MFHAS1: variants seen among roughly 807,000 people sequenced by gnomAD.
The protein encoded by MFHAS1 is malignant fibrous histiocytoma-amplified sequence 1.
MFHAS1 carries 50 observed loss-of-function variants against 70.4 expected under a neutral mutation model. The ratio of observed to expected loss-of-function variants is 0.71; its 90% confidence interval spans 0.57 to 0.90. MFHAS1 has a LOEUF of 0.90. Among genes scored for constraint, MFHAS1 ranks in the 40% least tolerant of loss-of-function variants. MFHAS1 has a pLI of 0.00. For synonymous variants in MFHAS1, 952 were observed against 620.0 expected (o/e 1.54, Z -7.96); for missense variants, 1,795 against 1,347.6 (o/e 1.33, Z -5.20).
chr8:8,834,483 T>C (rs1270645561), intron 1 of MFHAS1, among the ~76,000 whole-genome samples: 1 of 152,220 alleles, frequency 6.6e-6, no homozygotes, highest in Non-Finnish European at 1.5e-5. Flanking sequence ...TTATACTGTA[T>C]TTTGACAGTA....
At chr8:8,822,710 C>T (rs1335400709) in intron 1 of MFHAS1, among the ~76,000 whole-genome samples, 1 of 131,524 alleles carries the variant, frequency 7.6e-6, no homozygotes, top group Admixed American at 7.8e-5. Flanking sequence ...GAGATGGGGG[C>T]AGGGACCAAG....
At chr8:8,811,750 T>C (rs1806556333) in intron 1 of MFHAS1, among the ~76,000 whole-genome samples, 1 of 152,208 alleles carries the variant, frequency 6.6e-6, no homozygotes, top group African/African-American at 2.4e-5. Flanking sequence ...TAGATATATG[T>C]TAAAGAACGA....
intron 2 of MFHAS1, chr8:8,790,467 G>C (rs1805683805): frequency 1.5e-6 from 1 of 682,864 alleles, no homozygotes; most frequent in African/African-American, 2.0e-5. Context: ...CAGTATCAAT[G>C]TGGCTGACGG....
intron 1 of MFHAS1, among the ~76,000 whole-genome samples, chr8:8,814,261 AT>A (rs1252380956): frequency 6.6e-6 from 1 of 152,084 alleles, no homozygotes; most frequent in Non-Finnish European, 1.5e-5. Context: ...TTTATACTGT[AT>A]TTTGATTGTA....
intron 2 of MFHAS1, 104 bp from the exon 3 acceptor site, chr8:8,786,159 C>G: frequency 9.2e-7 from 1 of 1,088,364 alleles, no homozygotes; most frequent in African/African-American, 1.5e-5. Context: ...ATTTTCTGCA[C>G]ATATTTTCAT....
chr8:8,829,511 T>A (rs1807288970), intron 1 of MFHAS1, among the ~76,000 whole-genome samples: 1 of 152,122 alleles, frequency 6.6e-6, no homozygotes, highest in Admixed American at 6.6e-5. Context: ...TGAAACCCCA[T>A]CTCTACTAAA....
In MFHAS1 at chr8:8,836,910, GTTGT is replaced by G. The variant is rs1295608593; in HGVS notation, c.2999-39423_2999-39420del. ...GTTCCGCCGCAGTGACAGTCATCTT[GTTGT>G]TTATTTAAAATGACCCTTTAAAGAC... On this transcript the variant is annotated intron_variant, in intron 1 of 2. Coordinates refer to ENST00000276282, the MANE Select transcript of MFHAS1 (RefSeq NM_004225.3). 3.9e-5 allele frequency among the ~76,000 whole-genome samples: 6 copies of G among 152,042 alleles called. 1 individual carries two copies. The highest frequency in any genetic ancestry group is 1.9e-4 in the East Asian group (1 of 5,186).
chr8:8,882,002 C>T (rs867951499), intron 1 of MFHAS1, among the ~76,000 whole-genome samples: 17 of 152,002 alleles, frequency 1.1e-4, no homozygotes, highest in African/African-American at 2.4e-4. Flanking sequence ...AAGAATTAGG[C>T]GGTAGATATG....
rs553583149 is a variant in MFHAS1 at position 8,842,286 on chromosome 8, A to G, written c.2999-44795T>C. Among the ~76,000 whole-genome samples, 210 of 152,136 alleles carry G rather than the reference A, an allele frequency of 1.4e-3. 3 individuals are homozygous for G. The highest frequency in any genetic ancestry group is 4.3e-3 in the African/African-American group (180 of 41,486). On this transcript the variant is annotated intron_variant, in intron 1 of 2. Coordinates refer to ENST00000276282, the MANE Select transcript of MFHAS1 (RefSeq NM_004225.3). ...CTGCAACCTCTGCCTCCCAGGTTCA[A>G]GCGATTCTCCTGCCTCAGCCTCCTG...
At chr8:8,860,386 A>G (rs1003250686) in intron 1 of MFHAS1, among the ~76,000 whole-genome samples, 3 of 152,224 alleles carry the variant, frequency 2.0e-5, no homozygotes, top group African/African-American at 7.2e-5. Context: ...TAATTATTAG[A>G]AAAAGAGAAG....
intron 1 of MFHAS1, among the ~76,000 whole-genome samples, chr8:8,827,399 G>C (rs1807202633): frequency 6.6e-6 from 1 of 152,188 alleles, no homozygotes; most frequent in Admixed American, 6.5e-5. Flanking sequence ...CAATATGTCT[G>C]TTTTCTCATC....
At chr8:8,786,124 G>A (rs1384525590) in intron 2 of MFHAS1, 69 bp from the exon 3 acceptor site, 11 of 1,345,210 alleles carry the variant, frequency 8.2e-6, no homozygotes, top group Non-Finnish European at 9.6e-6. Context: ...CCCTCAATAA[G>A]AAAAGGAAGT....
intron 1 of MFHAS1, among the ~76,000 whole-genome samples, chr8:8,813,167 C>T (rs1025970336): frequency 2.0e-5 from 3 of 152,158 alleles, no homozygotes; most frequent in African/African-American, 7.2e-5. Flanking sequence ...CTAGTGATGT[C>T]GTAGAGCAAT....
At chr8:8,822,375 T>G (rs1399053627) in intron 1 of MFHAS1, among the ~76,000 whole-genome samples, 1 of 151,502 alleles carries the variant, frequency 6.6e-6, no homozygotes, top group African/African-American at 2.4e-5. Flanking sequence ...CCATGCCTGA[T>G]GCAGAGGGAC....
chr8:8,797,471 T>C lies in MFHAS1; in HGVS notation c.3019A>G (p.Arg1007Gly). The change falls in exon 2 of 3, where the codon AGA becomes GGA. Residue 1007 changes from arginine to glycine, a missense_variant. Coordinates refer to ENST00000276282, the MANE Select transcript of MFHAS1 (RefSeq NM_004225.3). Reference sequence around the variant, plus strand: ...ATGATCTCTGCCACTCCTTCCGGTCTGGGCTGACTCAGCAACTCCCCTGTA... The same window carrying C: ...ATGATCTCTGCCACTCCTTCCGGTCCGGGCTGACTCAGCAACTCCCCTGTA... ...AFPGELLSQP[R>G]PEGVAEIICP... 1 of 1,614,044 alleles carries C rather than the reference T, an allele frequency of 6.2e-7. No homozygotes were observed. Among genetic ancestry groups the C allele is most frequent in the Non-Finnish European group, 8.5e-7 (1 of 1,179,926 alleles).
intron 1 of MFHAS1, among the ~76,000 whole-genome samples, chr8:8,799,210 C>G (rs1806005252): frequency 6.6e-6 from 1 of 152,032 alleles, no homozygotes. Flanking sequence ...AAGTAGATAC[C>G]TATGATAAAG....
intron 2 of MFHAS1, among the ~76,000 whole-genome samples, chr8:8,786,872 G>C (rs573426187): frequency 1.1e-4 from 17 of 151,880 alleles, no homozygotes; most frequent in Non-Finnish European, 1.5e-4. Context: ...GTCCATACAA[G>C]ATTCAGTCAT....
intron 1 of MFHAS1, among the ~76,000 whole-genome samples, chr8:8,849,064 C>CTTTTTTTTTTTTTTT (rs145250762): frequency 6.6e-5 from 5 of 75,772 alleles, no homozygotes; most frequent in African/African-American, 1.9e-4. Flanking sequence ...TCCTTTTTAC[C>CTTTTTTTTTTTTTTT]TTTTTTTTTT....
At chr8:8,851,424 G>A (rs141240995) in intron 1 of MFHAS1, among the ~76,000 whole-genome samples, 1 of 152,178 alleles carries the variant, frequency 6.6e-6, no homozygotes, top group Non-Finnish European at 1.5e-5. Context: ...TGCATGGACA[G>A]GTTCAGGGAA....
Sources: gnomAD v4.1 joint callset for allele counts (sites outside exome capture counted in the v4.1 genomes callset) on GRCh38, gnomAD v4.1.1 for gene constraint, MANE v1.5 for transcripts, NCBI Gene and HGNC (gene_info 2026-07-23, HGNC 2026-07-21) for gene names.